The following TCAIM variants were observed in gnomAD, a reference collection of about 807,000 sequenced individuals.
TCAIM encodes T-cell activation inhibitor, mitochondrial.
TCAIM carries 36 observed loss-of-function variants against 58.6 expected under a neutral mutation model. The observed-to-expected ratio is 0.61, with a 90% CI of 0.47 to 0.81. The LOEUF is 0.81. Ranked by LOEUF, TCAIM falls within the 30% of genes least tolerant of loss-of-function variation. The probability of loss-of-function intolerance (pLI) is 0.00; values close to 1 mark genes in which losing one functional copy is unlikely to be tolerated. For synonymous variants in TCAIM, 172 were observed against 193.6 expected, an observed-to-expected ratio of 0.89 and a Z score of 0.93; for missense variants, 466 against 579.6, an observed-to-expected ratio of 0.80 and a Z score of 2.01.
intron 5 of TCAIM, among the ~76,000 whole-genome samples, chr3:44,381,632 A>G (rs139486151): frequency 5.9e-5 from 9 of 152,270 alleles, no homozygotes; most frequent in Admixed American, 1.3e-4. Context: ...AGTCTTAGCC[A>G]GAGCAATTAG....
chr3:44,360,130 C>A (rs1701271492), intron 3 of TCAIM, among the ~76,000 whole-genome samples: 1 of 152,100 alleles, frequency 6.6e-6, no homozygotes, highest in Admixed American at 6.5e-5. Flanking sequence ...AAATTGCCAT[C>A]TCTGCTTTCC....
chr3:44,347,165 G>A (rs969520664), intron 1 of TCAIM, among the ~76,000 whole-genome samples: 2 of 152,146 alleles, frequency 1.3e-5, no homozygotes, highest in Non-Finnish European at 2.9e-5. Flanking sequence ...GAATTATGCC[G>A]AGATAGGTAA....
intron 1 of TCAIM, among the ~76,000 whole-genome samples, chr3:44,352,759 C>G (rs1701116409): frequency 6.6e-6 from 1 of 152,050 alleles, no homozygotes; most frequent in African/African-American, 2.4e-5. Context: ...TTTCACTGCC[C>G]TAAAAATCCT....
chr3:44,351,240 C>T (rs1369342068), intron 1 of TCAIM, among the ~76,000 whole-genome samples: 2 of 152,082 alleles, frequency 1.3e-5, no homozygotes, highest in African/African-American at 2.4e-5. Flanking sequence ...CCACCTCCCT[C>T]GGCCTCCCAA....
chr3:44,346,069 G>T (rs931885006), intron 1 of TCAIM, among the ~76,000 whole-genome samples: 1 of 152,168 alleles, frequency 6.6e-6, no homozygotes, highest in Admixed American at 6.5e-5. Flanking sequence ...GTAGCGTCCC[G>T]AGGACAGGCC....
At chr3:44,354,550 T>C (rs1398742318) in intron 1 of TCAIM, among the ~76,000 whole-genome samples, 189 bp from the exon 2 acceptor site, 2 of 152,144 alleles carry the variant, frequency 1.3e-5, no homozygotes, top group Non-Finnish European at 2.9e-5. Context: ...GAACATGGAG[T>C]ATCTCTCCAT....
intron 6 of TCAIM, 101 bp downstream of exon 6, chr3:44,393,078 G>C: frequency 1.1e-6 from 1 of 951,268 alleles, no homozygotes; most frequent in Non-Finnish European, 1.6e-6. Context: ...TAATTGCTCT[G>C]ATAACTGAGT....
intron 5 of TCAIM, among the ~76,000 whole-genome samples, chr3:44,382,742 G>T (rs1431622718): frequency 2.6e-5 from 4 of 152,104 alleles, no homozygotes; most frequent in East Asian, 3.8e-4. Flanking sequence ...AGACAAATTG[G>T]ATTTCATGAA....
chr3:44,395,411 T>C (rs539616201), intron 6 of TCAIM, among the ~76,000 whole-genome samples: 1 of 152,288 alleles, frequency 6.6e-6, no homozygotes, highest in Non-Finnish European at 1.5e-5. Flanking sequence ...ATGCCTACTA[T>C]CTGTGTAGCA....
intron 10 of TCAIM, among the ~76,000 whole-genome samples, chr3:44,406,384 G>A (rs1413632732): frequency 2.0e-5 from 3 of 152,182 alleles, no homozygotes; most frequent in Admixed American, 6.5e-5. Context: ...GGTTCTTTCT[G>A]TCTAATCCTG....
intron 8 of TCAIM, among the ~76,000 whole-genome samples, chr3:44,397,753 G>T (rs1346312555): frequency 6.6e-6 from 1 of 152,094 alleles, no homozygotes; most frequent in Non-Finnish European, 1.5e-5. Context: ...TAGCTCTGTA[G>T]TACAATCTCA....
Position 44,392,930 on chromosome 3 carries a change from T to A in TCAIM, c.648T>A (p.Asp216Glu), listed in dbSNP as rs139631987. ...KNSLPLRKEL[D>E]RLKDELSHQL... ...GTTTGCCACTTAGAAAAGAACTAGA[T>A]CGTTTAAAAGATGAACTGTCTCATC... The change falls in exon 6 of 11, where the codon GAT (aspartate) becomes GAA (glutamate). Residue 216 changes from aspartate (D) to glutamate (E), a missense_variant. Transcript: ENST00000342649. 13 of 1,613,328 alleles carry A rather than the reference T, an allele frequency of 8.1e-6. No individual in the cohort carries two copies. The African/African-American group carries it at 1.3e-4, about 17-fold the overall frequency.
intron 10 of TCAIM, 36 bp from the exon 11 acceptor site, chr3:44,407,406 G>T (rs1270440370): frequency 2.3e-6 from 3 of 1,327,488 alleles, no homozygotes; most frequent in African/African-American, 3.0e-5. Context: ...GACAATATTT[G>T]TTCTTATGAC....
chr3:44,388,350 G>GT (rs1306950928), intron 5 of TCAIM, among the ~76,000 whole-genome samples: 1 of 152,082 alleles, frequency 6.6e-6, no homozygotes, highest in Admixed American at 6.5e-5. Flanking sequence ...CAGTTCCTCA[G>GT]TGTTTTCTTG....
chr3:44,359,078 A>AT, intron 3 of TCAIM: 11 of 982,246 alleles, frequency 1.1e-5, no homozygotes, highest in Non-Finnish European at 1.3e-5. Flanking sequence ...CTACCAATGT[A>AT]TTTTTTTTAA....
intron 1 of TCAIM, among the ~76,000 whole-genome samples, chr3:44,352,189 A>T (rs1701107172): frequency 6.6e-6 from 1 of 151,750 alleles, no homozygotes; most frequent in Non-Finnish European, 1.5e-5. Context: ...CGTGCTACTC[A>T]GCAGCTCTCC....
intron 1 of TCAIM, chr3:44,341,565 T>A (rs953943073): frequency 2.6e-5 from 4 of 152,304 alleles, no homozygotes; most frequent in Middle Eastern, 3.4e-3. Flanking sequence ...AGACATTGAC[T>A]CCTTATTGTG....
Position 44,398,494 on chromosome 3 carries a change from T to C in TCAIM, c.885+1660T>C, listed in dbSNP as rs1250483829. On this transcript the variant is annotated intron_variant, in intron 8 of 10. Transcript: ENST00000342649. ...ATAGATAGATAGATAGATAGATAGA[T>C]AGATAAAACCATAGTGCATTATCAC... Among the ~76,000 whole-genome samples, 5 of 143,342 alleles carry C rather than the reference T, an allele frequency of 3.5e-5. No homozygotes were observed. In the East Asian group the frequency reaches 1.1e-3, roughly 31 times the overall value. 94.0% of individuals were successfully genotyped at this position (143,342 alleles called of 152,430 possible).
At chr3:44,371,202 G>A (rs546712468) in intron 5 of TCAIM, among the ~76,000 whole-genome samples, 8 of 150,656 alleles carry the variant, frequency 5.3e-5, no homozygotes, top group African/African-American at 1.7e-4. Flanking sequence ...ATGAGCCACC[G>A]TGCCTGGCCC....
Sources: allele counts gnomAD v4.1 joint callset (sites outside exome capture counted in the v4.1 genomes callset), GRCh38; gene constraint gnomAD v4.1.1; transcripts MANE v1.5; gene names NCBI Gene and HGNC (gene_info 2026-07-23, HGNC 2026-07-21).